EYS: variants seen among roughly 807,000 people sequenced by gnomAD.
The protein encoded by EYS is EGF-like photoreceptor maintenance factor.
In EYS, 250 loss-of-function variants were observed where a neutral mutation model predicts 282.1. That is an observed-to-expected ratio of 0.89 (90% CI 0.80 to 0.98). The LOEUF (loss-of-function observed/expected upper bound fraction) is 0.98, where lower values mean the gene tolerates loss of function less well. Ranked by LOEUF, EYS falls within the 50% of genes least tolerant of loss-of-function variation. EYS has a pLI of 0.00. For missense variants in EYS, 4,016 were observed against 3,709.0 expected, an observed-to-expected ratio of 1.08 and a Z score of -2.15; for synonymous variants, 1,355 against 1,282.9, an observed-to-expected ratio of 1.06 and a Z score of -1.20.
At position 64,935,052 on chromosome 6, in the gene EYS, G is replaced by A. The variant is rs537331861; in HGVS notation, c.2381+10741C>T. Among the ~76,000 whole-genome samples the A allele has an allele frequency of 2.6e-5, 4 of 151,812 alleles. No individual in the cohort carries two copies. In the South Asian group the frequency reaches 8.3e-4, roughly 31 times the overall value. On this transcript the variant is annotated intron_variant, in intron 15 of 42. Transcript: ENST00000503581. ...TGGTGGAGCAATATTTTTGCACAGT[G>A]TTAAAAATAAGTTGCTATTAATGCT... is the stretch of plus-strand genomic sequence containing the variant.
intron 2 of EYS, among the ~76,000 whole-genome samples, chr6:65,499,772 A>G (rs1223464202): frequency 2.6e-5 from 4 of 152,080 alleles, no homozygotes; most frequent in Admixed American, 2.6e-4. Flanking sequence ...AGGGAAAAAA[A>G]TGGTAAATTT....
intron 2 of EYS, among the ~76,000 whole-genome samples, chr6:65,545,051 G>A (rs185904685): frequency 7.2e-5 from 11 of 151,884 alleles, no homozygotes; most frequent in East Asian, 3.9e-4. Context: ...TAAAAATAAC[G>A]GAAAATTACA....
chr6:64,610,776 C>T (rs907828360), intron 24 of EYS, among the ~76,000 whole-genome samples: 18 of 152,140 alleles, frequency 1.2e-4, no homozygotes, highest in Admixed American at 1.1e-3. Context: ...TTTAAATATT[C>T]TACTTCTGAA....
chr6:64,015,355 C>A (rs949659064), intron 33 of EYS, among the ~76,000 whole-genome samples: 4 of 152,008 alleles, frequency 2.6e-5, no homozygotes, highest in African/African-American at 4.8e-5. Flanking sequence ...ATATAAATAG[C>A]AAACTAAATA....
At chr6:65,088,618 G>A (rs1774456863) in intron 12 of EYS, among the ~76,000 whole-genome samples, 1 of 152,158 alleles carries the variant, frequency 6.6e-6, no homozygotes, top group Non-Finnish European at 1.5e-5. Context: ...AAATTTTGCA[G>A]CCTGACCATG....
At chr6:64,493,433 T>A (rs1358224169) in intron 26 of EYS, among the ~76,000 whole-genome samples, 4 of 151,490 alleles carry the variant, frequency 2.6e-5, no homozygotes, top group Non-Finnish European at 5.9e-5. Context: ...AAACAGTCAC[T>A]TTATGATAGA....
chr6:64,249,063 C>CAAAAAAAAAAA (rs34663169), intron 30 of EYS, among the ~76,000 whole-genome samples: 3 of 70,056 alleles, frequency 4.3e-5, no homozygotes, highest in African/African-American at 7.0e-5. Flanking sequence ...CACCCTGTCT[C>CAAAAAAAAAAA]AAAAAAAAAA....
rs182984748 is a variant in EYS, at chr6:65,632,312, C to T, written c.-333+7466G>A. Among the ~76,000 whole-genome samples, 61 of 152,226 alleles carry T rather than the reference C, an allele frequency of 4.0e-4. 1 individual carries two copies. Among genetic ancestry groups the T allele is most frequent in the Middle Eastern group, 6.8e-3 (2 of 294 alleles). On this transcript the variant is annotated intron_variant, in intron 2 of 42. Coordinates refer to ENST00000503581, the MANE Select transcript of EYS (RefSeq NM_001142800.2). ...GTAGACAGATGAATGTTCCTGATTT[C>T]CACTTGACAAGTTAATGCATTTTGG...
At chr6:64,241,683 C>G (rs372850396) in intron 30 of EYS, among the ~76,000 whole-genome samples, 39 of 145,584 alleles carry the variant, frequency 2.7e-4, no homozygotes, top group Admixed American at 1.8e-3. Context: ...GTGTGTGTGT[C>G]TCTTTCTCCT....
intron 5 of EYS, among the ~76,000 whole-genome samples, chr6:65,460,906 C>T (rs1224758492): frequency 2.0e-5 from 3 of 152,086 alleles, no homozygotes; most frequent in Non-Finnish European, 2.9e-5. Flanking sequence ...CCCAACTCTA[C>T]TTCTAAATAA....
intron 22 of EYS, among the ~76,000 whole-genome samples, chr6:64,730,262 G>A (rs1771914217): frequency 6.6e-6 from 1 of 152,160 alleles, no homozygotes; most frequent in Admixed American, 6.5e-5. Flanking sequence ...AAGTGAAAGA[G>A]AGGAAACAAA....
intron 22 of EYS, among the ~76,000 whole-genome samples, chr6:64,670,243 C>G (rs1410795024): frequency 6.6e-6 from 1 of 151,918 alleles, no homozygotes; most frequent in East Asian, 1.9e-4. Flanking sequence ...GGATCCTTCT[C>G]GCCCTCATTT....
intron 26 of EYS, among the ~76,000 whole-genome samples, chr6:64,569,588 G>C (rs969728369): frequency 6.6e-6 from 1 of 151,660 alleles, no homozygotes; most frequent in East Asian, 2.0e-4. Context: ...AAAAATACAA[G>C]AAATTAGCCA....
intron 31 of EYS, among the ~76,000 whole-genome samples, chr6:64,182,961 C>T (rs1348122390): frequency 6.6e-6 from 1 of 152,076 alleles, no homozygotes; most frequent in Non-Finnish European, 1.5e-5. Context: ...GTGTCCCCAC[C>T]CAAATCTCAC....
intron 35 of EYS, among the ~76,000 whole-genome samples, chr6:63,880,483 G>GTA (rs200933610): frequency 0.1 from 12,425 of 119,506 alleles, 562 homozygotes; most frequent in African/African-American, 0.11. Flanking sequence ...CTGTCTGTCT[G>GTA]TCTGTATCTA....
intron 33 of EYS, among the ~76,000 whole-genome samples, chr6:64,019,416 C>CT (rs112215249): frequency 0.047 from 7,131 of 150,436 alleles, 487 homozygotes; most frequent in African/African-American, 0.16. Context: ...TCTTTCTTTC[C>CT]TTTTTATTTT....
At chr6:65,617,963 T>C (rs1766278407) in intron 2 of EYS, among the ~76,000 whole-genome samples, 1 of 152,110 alleles carries the variant, frequency 6.6e-6, no homozygotes, top group African/African-American at 2.4e-5. Flanking sequence ...TGTTGGACAT[T>C]TGGGTTGGTT....
At chr6:65,215,714 T>C (rs1275559325) in intron 12 of EYS, among the ~76,000 whole-genome samples, 2 of 152,176 alleles carry the variant, frequency 1.3e-5, no homozygotes, top group East Asian at 3.9e-4. Context: ...ACCGATGTGG[T>C]AAATTTCATT....
intron 1 of EYS, among the ~76,000 whole-genome samples, chr6:65,666,446 G>A (rs1015307037): frequency 1.3e-5 from 2 of 151,590 alleles, no homozygotes; most frequent in African/African-American, 4.8e-5. Context: ...TTTTAAAATG[G>A]GGATAATTAT....
Sources: gnomAD v4.1 joint callset for allele counts (sites outside exome capture counted in the v4.1 genomes callset) on GRCh38, gnomAD v4.1.1 for gene constraint, MANE v1.5 for transcripts, NCBI Gene and HGNC (gene_info 2026-07-23, HGNC 2026-07-21) for gene names.